The following CDK19 variants were observed in gnomAD, a reference collection of about 807,000 sequenced individuals.
CDK19 encodes the protein cyclin-dependent kinase 19.
A neutral mutation model predicts 68.3 loss-of-function variants in CDK19; 20 were observed. That is an observed-to-expected ratio of 0.29 (90% confidence interval 0.21 to 0.43). CDK19 has a LOEUF of 0.43. Among genes scored for constraint, CDK19 ranks in the 20% least tolerant of loss-of-function variants. CDK19 has a pLI of 1.00. For synonymous variants in CDK19, 221 were observed against 222.8 expected (o/e 0.99, Z 0.07); for missense variants, 339 against 623.5 (o/e 0.54, Z 4.86).
At chr6:110,657,147 G>C (rs1165871282) in intron 4 of CDK19, among the ~76,000 whole-genome samples, 1 of 152,190 alleles carries the variant, frequency 6.6e-6, no homozygotes, top group Non-Finnish European at 1.5e-5. Flanking sequence ...CCTACAACTT[G>C]ACCAAGTTCA....
intron 1 of CDK19, among the ~76,000 whole-genome samples, chr6:110,781,473 G>A (rs1365549321): frequency 6.6e-6 from 1 of 152,102 alleles, no homozygotes; most frequent in Non-Finnish European, 1.5e-5. Context: ...AGATTTGGAG[G>A]GGACAAATAT....
intron 2 of CDK19, among the ~76,000 whole-genome samples, chr6:110,728,379 T>C (rs908554132): frequency 1.1e-4 from 17 of 152,022 alleles, no homozygotes; most frequent in African/African-American, 4.1e-4. Context: ...CGGAAATCTT[T>C]GCCACCTCTC....
intron 2 of CDK19, among the ~76,000 whole-genome samples, chr6:110,735,608 T>G (rs1777189938): frequency 6.6e-6 from 1 of 152,196 alleles, no homozygotes; most frequent in South Asian, 2.1e-4. Flanking sequence ...CTTATGGGAT[T>G]AATAATTCTT....
chr6:110,809,299 G>T (rs1322411039), intron 1 of CDK19, among the ~76,000 whole-genome samples: 2 of 151,976 alleles, frequency 1.3e-5, no homozygotes, highest in Non-Finnish European at 2.9e-5. Context: ...AGGATCACTG[G>T]AGCCCAGGAG....
intron 1 of CDK19, among the ~76,000 whole-genome samples, chr6:110,812,246 G>C (rs1050937533): frequency 6.6e-6 from 1 of 151,282 alleles, no homozygotes. Flanking sequence ...TCAGCCTCCC[G>C]AGCAGCTGGG....
At chr6:110,616,162 C>G (rs920386918) in intron 12 of CDK19, among the ~76,000 whole-genome samples, 2 of 152,156 alleles carry the variant, frequency 1.3e-5, no homozygotes, top group African/African-American at 4.8e-5. Flanking sequence ...AAATTCCTGT[C>G]TTGATAAATT....
rs982160182 is a variant in CDK19 at position 110,688,418 on chromosome 6, C to A, written c.205-17877G>T. On this transcript the variant is annotated intron_variant, in intron 2 of 12. Coordinates refer to ENST00000368911, the MANE Select transcript of CDK19 (RefSeq NM_015076.5). ...AGGCAGTGTTAGCATGCCTCTCCCA[C>A]TAGGAAAGACAAAATAGTGTGTAGA... 3.9e-5 allele frequency among the ~76,000 whole-genome samples: 6 copies of A among 152,182 alleles called. 1 individual carries two copies. In the South Asian group the frequency reaches 1.2e-3, roughly 32 times the overall value.
intron 2 of CDK19, among the ~76,000 whole-genome samples, chr6:110,734,201 G>C (rs1562243498): frequency 3.3e-5 from 5 of 151,942 alleles, no homozygotes. Flanking sequence ...GTAGAGATGG[G>C]GTTTCGCCAT....
chr6:110,699,500 A>G (rs954905239), intron 2 of CDK19, among the ~76,000 whole-genome samples: 3 of 152,150 alleles, frequency 2.0e-5, no homozygotes, highest in African/African-American at 7.2e-5. Flanking sequence ...TGGCAAACCA[A>G]ATACCATATG....
At chr6:110,667,864 G>A (rs1782040025) in intron 3 of CDK19, among the ~76,000 whole-genome samples, 1 of 152,098 alleles carries the variant, frequency 6.6e-6, no homozygotes, top group South Asian at 2.1e-4. Flanking sequence ...AGCTGCTGAA[G>A]AAGAGTATTA....
chr6:110,749,776 A>AT (rs199678816), intron 1 of CDK19, among the ~76,000 whole-genome samples: 4,781 of 143,198 alleles, frequency 0.033, 158 homozygotes, highest in South Asian at 0.087. Flanking sequence ...TGACCACACT[A>AT]TTTTTTTTTT....
At chr6:110,683,053 G>A (rs1266927179) in intron 2 of CDK19, among the ~76,000 whole-genome samples, 3 of 151,468 alleles carry the variant, frequency 2.0e-5, no homozygotes, top group South Asian at 2.1e-4. Flanking sequence ...GTGGGCGCCT[G>A]TAGTCCCAGC....
chr6:110,815,169 G>A lies in CDK19; in HGVS notation c.-33C>T. ...TTCCCCCATAGAGGCACGGGACGCG[G>A]GGGCCGCCGCCGCTCAGTCCCTCCT... On this transcript the variant is annotated 5_prime_UTR_variant, in exon 1 of 13. Coordinates refer to ENST00000368911, the MANE Select transcript of CDK19 (RefSeq NM_015076.5). 4 of 1,558,406 alleles carry A rather than the reference G, an allele frequency of 2.6e-6. 1 individual carries two copies. Among genetic ancestry groups the A allele is most frequent in the Non-Finnish European group, 3.5e-6 (4 of 1,153,558 alleles).
At chr6:110,763,725 A>T (rs1779387667) in intron 1 of CDK19, among the ~76,000 whole-genome samples, 1 of 151,952 alleles carries the variant, frequency 6.6e-6, no homozygotes, top group South Asian at 2.1e-4. Context: ...TGCTCTCACC[A>T]CTCTTAATCA....
intron 5 of CDK19, among the ~76,000 whole-genome samples, chr6:110,637,642 T>C (rs1177045516): frequency 6.6e-6 from 1 of 152,172 alleles, no homozygotes; most frequent in Non-Finnish European, 1.5e-5. Context: ...TTAACATATT[T>C]CTAAAAAGCA....
chr6:110,777,301 A>T (rs1214539166), intron 1 of CDK19, among the ~76,000 whole-genome samples: 1 of 152,192 alleles, frequency 6.6e-6, no homozygotes, highest in African/African-American at 2.4e-5. Flanking sequence ...TCCGAATAAC[A>T]AATAATATTG....
chr6:110,679,989 C>T (rs1442254219), intron 2 of CDK19, among the ~76,000 whole-genome samples: 1 of 152,104 alleles, frequency 6.6e-6, no homozygotes, highest in Non-Finnish European at 1.5e-5. Context: ...ACAAAATAAC[C>T]AGTAATGGCC....
At chr6:110,719,972 G>GCTCCC (rs1554211507) in intron 2 of CDK19, among the ~76,000 whole-genome samples, 13 of 45,550 alleles carry the variant, frequency 2.9e-4, no homozygotes, top group Non-Finnish European at 3.8e-4. Flanking sequence ...CTTGTGATCC[G>GCTCCC]CCCCCCCCCC....
chr6:110,780,358 C>T (rs1780717330), intron 1 of CDK19, among the ~76,000 whole-genome samples: 1 of 148,880 alleles, frequency 6.7e-6, no homozygotes, highest in African/African-American at 2.5e-5. Context: ...CCACTGCACT[C>T]CAGCCTGATG....
Sources: gnomAD v4.1 joint callset for allele counts (sites outside exome capture counted in the v4.1 genomes callset) on GRCh38, gnomAD v4.1.1 for gene constraint, MANE v1.5 for transcripts, NCBI Gene and HGNC (gene_info 2026-07-23, HGNC 2026-07-21) for gene names.